The following ZNF248 variants were observed in gnomAD, a reference collection of about 807,000 sequenced individuals.
ZNF248 encodes zinc finger protein 248, also known as KRAB protein domain.
In ZNF248, 20 loss-of-function variants were observed where a neutral mutation model predicts 44.3. That is an observed-to-expected ratio of 0.45 (90% CI 0.32 to 0.66). The LOEUF (loss-of-function observed/expected upper bound fraction) is 0.66, where lower values mean the gene tolerates loss of function less well. ZNF248 is among the 30% of genes least tolerant of loss of function. The pLI, the probability that ZNF248 is intolerant of heterozygous loss-of-function variation, is 0.04. For missense variants in ZNF248, 654 were observed against 677.0 expected (o/e 0.97, Z 0.38); for synonymous variants, 224 against 229.0 (o/e 0.98, Z 0.20).
Position 37,831,839 on chromosome 10 carries a change from T to C in ZNF248, c.1516A>G (p.Asn506Asp). Residue 506 changes from asparagine (N) to aspartate (D), a missense_variant, in exon 6 of 6, where the codon AAC becomes GAC. Asn to Asp is a conservative substitution (Grantham distance 23). Coordinates refer to ENST00000395867, the MANE Select transcript of ZNF248 (RefSeq NM_021045.3). ...ECGKSFCVKS[N>D]LIVHQRTHTG... Reference sequence around the variant, plus strand: ...TGAGTTCTTTGATGTACAATGAGGTTTGACTTCACACAGAAGGATTTTCCA... The same window carrying C: ...TGAGTTCTTTGATGTACAATGAGGTCTGACTTCACACAGAAGGATTTTCCA... 1.2e-6 allele frequency: 2 copies of C among 1,613,928 alleles called. No individual in the cohort carries two copies. Among genetic ancestry groups the C allele is most frequent in the East Asian group, 2.2e-5 (1 of 44,860 alleles).
downstream of ZNF248, among the ~76,000 whole-genome samples, chr10:37,772,343 G>A (rs2046285317): frequency 1.3e-5 from 2 of 152,032 alleles, no homozygotes; most frequent in South Asian, 2.1e-4. Flanking sequence ...CATGCAAAGT[G>A]AGAACCAACT....
chr10:37,838,461 T>C (rs149412574), intron 3 of ZNF248, among the ~76,000 whole-genome samples: 2 of 152,320 alleles, frequency 1.3e-5, no homozygotes, highest in Admixed American at 6.5e-5. Flanking sequence ...AAATATTAGT[T>C]GTTTCATATT....
rs529181510 is a variant in ZNF248 at position 37,849,454 on chromosome 10, G to A, written c.15+6842C>T. On this transcript the variant is annotated intron_variant, in intron 3 of 5. Transcript: ENST00000395867. ...TCCCAGCACTTTGGGAGGCCAAGGC[G>A]GGCGGATCACCTGAAGTCAGGAGTT... Among the ~76,000 whole-genome samples, 5 of 151,898 alleles carry A rather than the reference G, an allele frequency of 3.3e-5. 1 individual carries two copies. The highest frequency in any genetic ancestry group is 5.9e-5 in the Non-Finnish European group (4 of 67,946).
rs747679289 is a variant in ZNF248 at position 37,832,521 on chromosome 10, G to A, written c.834C>T (p.Ser278=). ...GTCCAAACCTTAAATTCATGCAGAAGGACTTCCCGCAAATACTGCATCCAT... is the reference window on the plus strand; with the variant it reads ...GTCCAAACCTTAAATTCATGCAGAAAGACTTCCCGCAAATACTGCATCCAT... ...EPYGCSICGK[S]FCMNLRFGHQ... The change falls in exon 6 of 6, where the codon TCC becomes TCT. Residue 278 remains serine (S), a synonymous_variant. Transcript: ENST00000395867. The A allele has an allele frequency of 9.9e-6, 16 of 1,613,786 alleles. No homozygotes were observed. In the South Asian group the frequency reaches 1.8e-4, roughly 18 times the overall value.
At chr10:37,801,375 C>CA (rs1319230111) in intron 6 of ZNF248, among the ~76,000 whole-genome samples, 108 of 143,306 alleles carry the variant, frequency 7.5e-4, no homozygotes, top group African/African-American at 1.5e-3. Flanking sequence ...GACTCCGTCT[C>CA]AAAAAAAAAA....
At chr10:37,774,308 C>T (rs763489056), downstream of ZNF248, among the ~76,000 whole-genome samples, 1 of 152,046 alleles carries the variant, frequency 6.6e-6, no homozygotes, top group Non-Finnish European at 1.5e-5. Flanking sequence ...ATTAATACAC[C>T]AATATTTTGC....
intron 6 of ZNF248, among the ~76,000 whole-genome samples, chr10:37,823,704 CCTAGGG>C (rs1564539853): frequency 4.0e-5 from 6 of 151,800 alleles, no homozygotes; most frequent in Non-Finnish European, 5.9e-5. Context: ...CTCCTGAGTA[CCTAGGG>C]CTACAGGCAC....
At chr10:37,776,429 C>G (rs1336328013), downstream of ZNF248, 1 of 393,402 alleles carries the variant, frequency 2.5e-6, no homozygotes, top group Non-Finnish European at 4.5e-6. Flanking sequence ...AGGCTCTGCC[C>G]TTTCTGGCAG....
chr10:37,815,524 T>A (rs897308719), intron 6 of ZNF248, among the ~76,000 whole-genome samples: 3 of 152,122 alleles, frequency 2.0e-5, no homozygotes, highest in Admixed American at 1.3e-4. Context: ...GTTTCCATTT[T>A]GTTTATAGTT....
chr10:37,778,710 A>G (rs2046910714), intron 6 of ZNF248, among the ~76,000 whole-genome samples: 1 of 152,164 alleles, frequency 6.6e-6, no homozygotes, highest in Non-Finnish European at 1.5e-5. Flanking sequence ...ACCCTTCAAA[A>G]AAATTAATGA....
At chr10:37,773,095 A>C (rs146613581), downstream of ZNF248, among the ~76,000 whole-genome samples, 526 of 152,198 alleles carry the variant, frequency 3.5e-3, 1 homozygote, top group South Asian at 0.015. Flanking sequence ...AAAATACAAA[A>C]ATTAGCTGGG....
At chr10:37,854,570 C>T (rs2134989563) in intron 3 of ZNF248, among the ~76,000 whole-genome samples, 1 of 152,296 alleles carries the variant, frequency 6.6e-6, no homozygotes, top group Admixed American at 6.5e-5. Flanking sequence ...AGTTGAACCA[C>T]ATATTCTATG....
chr10:37,830,060 C>A lies in ZNF248; in HGVS notation c.*1555G>T, dbSNP rs2055208184. ...CAACAGGACAAGGGAGGCAGAGATA[C>A]TCTAAAATACTAATACGCAGAACTA... On this transcript the variant is annotated 3_prime_UTR_variant, in exon 6 of 6. Transcript: ENST00000395867. The A allele has an allele frequency of 1.0e-6, 1 of 985,294 alleles. No individual in the cohort carries two copies. The highest frequency in any genetic ancestry group is 1.2e-6 in the Non-Finnish European group (1 of 829,956). 61.0% of individuals were successfully genotyped at this position (985,294 alleles called of 1,614,324 possible). A position where few individuals can be genotyped will look rare whatever the true frequency, so the allele number is the denominator to read the frequency against.
intron 5 of ZNF248, among the ~76,000 whole-genome samples, chr10:37,834,028 C>G (rs1210199293): frequency 6.6e-6 from 1 of 152,090 alleles, no homozygotes; most frequent in Non-Finnish European, 1.5e-5. Context: ...AGATTAGACT[C>G]TCAGAAATTG....
At chr10:37,775,885 G>A (rs1390796174), downstream of ZNF248, among the ~76,000 whole-genome samples, 1 of 152,158 alleles carries the variant, frequency 6.6e-6, no homozygotes, top group Non-Finnish European at 1.5e-5. Context: ...AACAGAACCT[G>A]GCAGGTGACT....
chr10:37,818,137 C>T (rs2052840382), intron 6 of ZNF248, among the ~76,000 whole-genome samples: 2 of 151,780 alleles, frequency 1.3e-5, no homozygotes, highest in Non-Finnish European at 2.9e-5. Context: ...AGGATGGTCT[C>T]GATCTCCTGA....
At chr10:37,827,973 T>A (rs1404871954), downstream of ZNF248, among the ~76,000 whole-genome samples, 2 of 152,182 alleles carry the variant, frequency 1.3e-5, no homozygotes, top group African/African-American at 4.8e-5. Flanking sequence ...TGGGAGTGAT[T>A]AGTCATTTCA....
intron 3 of ZNF248, among the ~76,000 whole-genome samples, chr10:37,850,682 G>A (rs1159975690): frequency 6.6e-6 from 1 of 151,986 alleles, no homozygotes; most frequent in Admixed American, 6.6e-5. Context: ...TACAAAAGGA[G>A]TTCAGTAAAA....
rs139392008 is a variant in ZNF248 at position 37,851,381 on chromosome 10, G to C, written c.15+4915C>G. On this transcript the variant is annotated intron_variant, in intron 3 of 5. Coordinates refer to ENST00000395867, the MANE Select transcript of ZNF248 (RefSeq NM_021045.3). ...TTAGCTTCACAAACTAGCCTGTATC[G>C]GCCATTTATTTGCTTTCCCCCAAGT... Among the ~76,000 whole-genome samples, 569 of 152,210 alleles carry C rather than the reference G, an allele frequency of 3.7e-3. 5 individuals carry two copies. Among genetic ancestry groups the C allele is most frequent in the African/African-American group, 0.013 (541 of 41,548 alleles).
Sources: allele counts gnomAD v4.1 joint callset (sites outside exome capture counted in the v4.1 genomes callset), GRCh38; gene constraint gnomAD v4.1.1; transcripts MANE v1.5; gene names NCBI Gene and HGNC (gene_info 2026-07-23, HGNC 2026-07-21).